FDCSP: variants seen among roughly 807,000 people sequenced by gnomAD.
FDCSP encodes follicular dendritic cell secreted peptide.
Under a neutral mutation model 8.9 loss-of-function variants are expected in FDCSP, and 8 were observed. The observed-to-expected ratio is 0.90, with a 90% confidence interval of 0.53 to 1.63. FDCSP has a LOEUF of 1.63. FDCSP is among the 40% of genes most tolerant of loss of function. The pLI is 0.00. For synonymous variants in FDCSP, 34 were observed against 34.5 expected, an observed-to-expected ratio of 0.98 and a Z score of 0.06; for missense variants, 101 against 103.6, an observed-to-expected ratio of 0.98 and a Z score of 0.11.
At chr4:70,229,456 A>C (rs1730043295) in intron 1 of FDCSP, among the ~76,000 whole-genome samples, 1 of 151,786 alleles carries the variant, frequency 6.6e-6, no homozygotes, top group African/African-American at 2.4e-5. Flanking sequence ...TCGCATTCAC[A>C]ACTTGGCTAA....
intron 2 of FDCSP, among the ~76,000 whole-genome samples, chr4:70,232,437 C>T (rs916855618): frequency 1.3e-5 from 2 of 151,544 alleles, no homozygotes; most frequent in Non-Finnish European, 3.0e-5. Flanking sequence ...ATATGCCATA[C>T]AGTTTTGTAG....
intron 4 of FDCSP, 126 bp downstream of exon 4, chr4:70,234,341 T>A (rs1730138672): frequency 6.8e-6 from 5 of 740,502 alleles, no homozygotes; most frequent in Non-Finnish European, 1.1e-5. Context: ...TGTTTTAATG[T>A]TTTTCTCTGG....
At chr4:70,226,878 G>T (rs576272774) in intron 1 of FDCSP, among the ~76,000 whole-genome samples, 1 of 151,764 alleles carries the variant, frequency 6.6e-6, no homozygotes, top group Non-Finnish European at 1.5e-5. Flanking sequence ...CTGTAATGTG[G>T]ATTATTTACT....
chr4:70,226,666 T>C (rs1729991353), intron 1 of FDCSP, among the ~76,000 whole-genome samples: 1 of 151,946 alleles, frequency 6.6e-6, no homozygotes, highest in Non-Finnish European at 1.5e-5. Flanking sequence ...GATTTTAATA[T>C]AAAAGTCATT....
At chr4:70,227,056 G>A (rs772650652) in intron 1 of FDCSP, among the ~76,000 whole-genome samples, 2 of 151,546 alleles carry the variant, frequency 1.3e-5, no homozygotes, top group Non-Finnish European at 2.9e-5. Context: ...TATATATCAC[G>A]CTTTTTTTTC....
At chr4:70,231,358 A>G in intron 2 of FDCSP, 107 bp downstream of exon 2, 1 of 861,384 alleles carries the variant, frequency 1.2e-6, no homozygotes, top group South Asian at 2.0e-5. Flanking sequence ...AGATTATAAC[A>G]GAGCTACCAA....
chr4:70,228,163 G>A (rs1392652397), intron 1 of FDCSP, among the ~76,000 whole-genome samples: 1 of 151,738 alleles, frequency 6.6e-6, no homozygotes, highest in Non-Finnish European at 1.5e-5. Context: ...TGCAAACCCT[G>A]CCACTGCTTT....
intron 2 of FDCSP, among the ~76,000 whole-genome samples, chr4:70,232,679 C>T (rs191556121): frequency 6.6e-6 from 1 of 151,672 alleles, no homozygotes; most frequent in African/African-American, 2.4e-5. Flanking sequence ...ACCTAACACA[C>T]ACGCTGTATT....
Position 70,230,253 on chromosome 4 carries a change from A to G in FDCSP, c.1-942A>G, listed in dbSNP as rs142209414. Among the ~76,000 whole-genome samples, 53 of 151,822 alleles carry G rather than the reference A, an allele frequency of 3.5e-4. 1 individual carries two copies. In the East Asian group the frequency reaches 0.01, roughly 29 times the overall value. On this transcript the variant is annotated intron_variant, in intron 1 of 4. Transcript: ENST00000317987. ...CACATACTGCATTCACACCATGACA[A>G]AGAAGAGGATTAATGCCTAATGATA...
At chr4:70,228,112 A>G (rs1730019744) in intron 1 of FDCSP, among the ~76,000 whole-genome samples, 1 of 151,880 alleles carries the variant, frequency 6.6e-6, no homozygotes, top group African/African-American at 2.4e-5. Context: ...CATGTGAAGC[A>G]TTTTGCCCAC....
chr4:70,234,252 G>A (rs927922451), intron 4 of FDCSP, 37 bp downstream of exon 4: 127 of 1,435,858 alleles, frequency 8.8e-5, no homozygotes, highest in Admixed American at 4.3e-4. Context: ...TTTATTTTAA[G>A]TTTGCAGATT....
intron 1 of FDCSP, among the ~76,000 whole-genome samples, chr4:70,228,313 G>C (rs1043574828): frequency 6.6e-6 from 1 of 151,726 alleles, no homozygotes; most frequent in Non-Finnish European, 1.5e-5. Context: ...ATTCATTCAA[G>C]TTTTACCGTT....
intron 3 of FDCSP, among the ~76,000 whole-genome samples, chr4:70,233,443 G>C (rs1011538872): frequency 6.6e-6 from 1 of 151,626 alleles, no homozygotes; most frequent in Admixed American, 6.6e-5. Context: ...TGGATTATTT[G>C]GGTCTAAACA....
chr4:70,226,978 A>C (rs563028545), intron 1 of FDCSP, among the ~76,000 whole-genome samples: 1 of 151,862 alleles, frequency 6.6e-6, no homozygotes, highest in South Asian at 2.1e-4. Context: ...TTCTCTCCAA[A>C]ACTATTTTCT....
chr4:70,231,610 A>G lies in FDCSP; in HGVS notation c.57+359A>G, dbSNP rs527951482. ...AACAAACCTACCCTCTGCCAGTCAT[A>G]TAAGAATAGAGCACAAAAAATTATG... On this transcript the variant is annotated intron_variant, in intron 2 of 4. Transcript: ENST00000317987. Among the ~76,000 whole-genome samples the G allele has an allele frequency of 2.0e-5, 3 of 151,894 alleles. No individual in the cohort carries two copies. In the South Asian group the frequency reaches 6.2e-4, roughly 31 times the overall value.
At chr4:70,228,457 C>T (rs1289522449) in intron 1 of FDCSP, among the ~76,000 whole-genome samples, 2 of 151,836 alleles carry the variant, frequency 1.3e-5, no homozygotes. Context: ...GAGTTGGAAT[C>T]AACTTCTCCC....
chr4:70,229,133 T>C (rs1730037978), intron 1 of FDCSP, among the ~76,000 whole-genome samples: 2 of 151,762 alleles, frequency 1.3e-5, no homozygotes, highest in Non-Finnish European at 2.9e-5. Context: ...TGTTCTTAGA[T>C]AGATTTTCTG....
chr4:70,231,477 T>C (rs1730081650), intron 2 of FDCSP, among the ~76,000 whole-genome samples: 1 of 151,356 alleles, frequency 6.6e-6, no homozygotes, highest in South Asian at 2.1e-4. Flanking sequence ...ATCCCCTCTC[T>C]ATAAAAAAAA....
chr4:70,233,919 T>A, intron 3 of FDCSP, 101 bp from the exon 4 acceptor site: 1 of 1,083,718 alleles, frequency 9.2e-7, no homozygotes, highest in Non-Finnish European at 1.3e-6. Context: ...TTCTAAAGCC[T>A]CTTCCTAAAA....
Sources: allele counts gnomAD v4.1 joint callset (sites outside exome capture counted in the v4.1 genomes callset), GRCh38; gene constraint gnomAD v4.1.1; transcripts MANE v1.5; gene names NCBI Gene and HGNC (gene_info 2026-07-23, HGNC 2026-07-21).